Variants in CSMD2 observed in about 807,000 individuals in gnomAD.
CSMD2 encodes the protein CUB and Sushi multiple domains 2.
In CSMD2, 130 loss-of-function variants were observed where a neutral mutation model predicts 398.5. The ratio of observed to expected loss-of-function variants is 0.33; its 90% CI spans 0.28 to 0.38. The LOEUF is 0.38. Ranked by LOEUF, CSMD2 falls within the 10% of genes least tolerant of loss-of-function variation. The pLI is 1.00. For synonymous variants in CSMD2, 1,828 were observed against 1,908.5 expected (o/e 0.96, Z 1.10); for missense variants, 3,829 against 4,764.9 (o/e 0.80, Z 5.78).
chr1:33,686,225 C>T (rs1038521238), intron 25 of CSMD2, among the ~76,000 whole-genome samples: 2 of 152,180 alleles, frequency 1.3e-5, no homozygotes, highest in Admixed American at 6.5e-5. Context: ...CATCTGAGCT[C>T]GCCCACTGAT....
At chr1:33,560,175 C>T (rs188107623) in intron 53 of CSMD2, among the ~76,000 whole-genome samples, 59 of 152,292 alleles carry the variant, frequency 3.9e-4, no homozygotes, top group African/African-American at 1.3e-3. Flanking sequence ...CATTGCAGGG[C>T]TGCATGCCCC....
chr1:33,721,930 C>T (rs1646371325), intron 19 of CSMD2, among the ~76,000 whole-genome samples: 1 of 152,128 alleles, frequency 6.6e-6, no homozygotes, highest in Admixed American at 6.5e-5. Flanking sequence ...TCTATGCAAA[C>T]AAGGATGTCT....
intron 44 of CSMD2, chr1:33,600,616 T>C (rs1369663790): frequency 2.7e-5 from 15 of 560,288 alleles, no homozygotes; most frequent in Non-Finnish European, 4.1e-5. Context: ...GCACCAAGGT[T>C]TGGGCTTCTG....
chr1:33,754,421 G>A (rs1261201704), intron 13 of CSMD2, among the ~76,000 whole-genome samples: 1 of 152,150 alleles, frequency 6.6e-6, no homozygotes, highest in African/African-American at 2.4e-5. Flanking sequence ...TAAGCTTCCT[G>A]AGGCCCTCAT....
chr1:33,651,565 A>G (rs972351585), intron 28 of CSMD2, among the ~76,000 whole-genome samples: 8 of 152,116 alleles, frequency 5.3e-5, no homozygotes, highest in Non-Finnish European at 7.4e-5. Context: ...GAAGAAGAGG[A>G]GGTTTTGACA....
chr1:33,972,197 G>C (rs1645796999), intron 3 of CSMD2, among the ~76,000 whole-genome samples: 1 of 152,184 alleles, frequency 6.6e-6, no homozygotes, highest in Non-Finnish European at 1.5e-5. Context: ...AAAGAAAAAG[G>C]GGAATGTGGC....
intron 21 of CSMD2, among the ~76,000 whole-genome samples, chr1:33,710,871 A>C (rs1298373762): frequency 6.6e-6 from 1 of 152,194 alleles, no homozygotes; most frequent in African/African-American, 2.4e-5. Context: ...ATGTCCCACC[A>C]CCAAGTCCCT....
At chr1:34,060,498 G>A (rs1296258732) in intron 2 of CSMD2, among the ~76,000 whole-genome samples, 1 of 152,198 alleles carries the variant, frequency 6.6e-6, no homozygotes, top group Non-Finnish European at 1.5e-5. Context: ...ACAGGCAACT[G>A]CGGCAGCCTG....
intron 3 of CSMD2, among the ~76,000 whole-genome samples, chr1:34,011,021 C>T (rs1647269036): frequency 6.6e-6 from 1 of 152,154 alleles, no homozygotes; most frequent in Admixed American, 6.5e-5. Context: ...CCTTCCCTAA[C>T]CCATTCACCT....
chr1:33,677,995 T>C (rs1176053179), intron 25 of CSMD2, among the ~76,000 whole-genome samples: 1 of 147,194 alleles, frequency 6.8e-6, no homozygotes, highest in African/African-American at 2.5e-5. Flanking sequence ...CATTAGGAGA[T>C]ATACCTAATG....
chr1:33,831,001 T>C (rs1217149034), intron 6 of CSMD2, among the ~76,000 whole-genome samples: 2 of 152,158 alleles, frequency 1.3e-5, no homozygotes, highest in Non-Finnish European at 2.9e-5. Flanking sequence ...CCAAGAAATA[T>C]GGGACTATGT....
At chr1:33,855,900 G>C (rs1639049113) in intron 5 of CSMD2, among the ~76,000 whole-genome samples, 1 of 152,180 alleles carries the variant, frequency 6.6e-6, no homozygotes, top group Non-Finnish European at 1.5e-5. Flanking sequence ...CACCTGTCTT[G>C]TTCCTCACAG....
chr1:33,715,965 T>C (rs527708879), intron 20 of CSMD2, among the ~76,000 whole-genome samples: 2 of 151,440 alleles, frequency 1.3e-5, no homozygotes, highest in East Asian at 1.9e-4. Flanking sequence ...AGAAGAAAAA[T>C]CTCGAATAAC....
At chr1:33,993,265 C>T (rs1282199510) in intron 3 of CSMD2, among the ~76,000 whole-genome samples, 1 of 152,160 alleles carries the variant, frequency 6.6e-6, no homozygotes. Context: ...TTGTAGTTTG[C>T]ATTGTCTGAA....
At chr1:33,762,592 T>C (rs1649966312) in intron 13 of CSMD2, among the ~76,000 whole-genome samples, 1 of 152,192 alleles carries the variant, frequency 6.6e-6, no homozygotes, top group Admixed American at 6.5e-5. Context: ...GTTCACAGTT[T>C]GGTTTTGGAC....
At chr1:33,520,838 C>G (rs1331143047) in intron 68 of CSMD2, among the ~76,000 whole-genome samples, 1 of 152,084 alleles carries the variant, frequency 6.6e-6, no homozygotes, top group Non-Finnish European at 1.5e-5. Context: ...CTCCTGTTTC[C>G]CCCTCCCCTG....
intron 5 of CSMD2, among the ~76,000 whole-genome samples, chr1:33,859,441 T>C (rs927436849): frequency 4.6e-5 from 7 of 152,226 alleles, no homozygotes; most frequent in South Asian, 2.1e-4. Flanking sequence ...CCTGCCTTCC[T>C]CTTACAAAGG....
In CSMD2 at chr1:33,602,553, G is replaced by C. The variant is rs1391444826; in HGVS notation, c.6533-7C>G. Reference sequence around the variant, plus strand: ...ATGTTCCCGCCACAAGGGACTGCCAGGGAGGGAACACAAACGTAAGTGCAG... The same window carrying C: ...ATGTTCCCGCCACAAGGGACTGCCACGGAGGGAACACAAACGTAAGTGCAG... On this transcript the variant is annotated splice_polypyrimidine_tract_variant and splice_region_variant and intron_variant, in intron 42 of 70. Transcript: ENST00000373381. The C allele has an allele frequency of 6.3e-7, 1 of 1,584,616 alleles. No individual in the cohort carries two copies.
rs149729846 is a variant in CSMD2, at chr1:33,814,579, C to T, written c.1325-3715G>A. Among the ~76,000 whole-genome samples, 169 of 152,300 alleles carry T rather than the reference C, an allele frequency of 1.1e-3. 1 individual carries two copies. The highest frequency in any genetic ancestry group is 1.7e-3 in the Admixed American group (26 of 15,300). On this transcript the variant is annotated intron_variant, in intron 9 of 70. Transcript: ENST00000373381. ...TGTCCCACTCTCTAAGAATGCAATT[C>T]TATCTGCACGTGTACTCAATTCCTT...
Sources: gnomAD v4.1 joint callset for allele counts (sites outside exome capture counted in the v4.1 genomes callset) on GRCh38, gnomAD v4.1.1 for gene constraint, MANE v1.5 for transcripts, NCBI Gene and HGNC (gene_info 2026-07-23, HGNC 2026-07-21) for gene names.